Variants in ATP2C1 observed in about 807,000 individuals in gnomAD.
ATP2C1 encodes calcium-transporting ATPase type 2C member 1.
Under a neutral mutation model 120.5 loss-of-function variants are expected in ATP2C1, and 31 were observed. The observed-to-expected ratio is 0.26, with a 90% CI of 0.19 to 0.35. ATP2C1 has a LOEUF of 0.35. Among genes scored for constraint, ATP2C1 ranks in the 10% least tolerant of loss-of-function variants. ATP2C1 has a pLI of 1.00. For synonymous variants in ATP2C1, 351 were observed against 358.7 expected (o/e 0.98, Z 0.24); for missense variants, 731 against 1,107.5 (o/e 0.66, Z 4.83).
At chr3:131,014,676 A>G (rs1487990893) in intron 26 of ATP2C1, among the ~76,000 whole-genome samples, 1 of 152,216 alleles carries the variant, frequency 6.6e-6, no homozygotes, top group African/African-American at 2.4e-5. Context: ...TTTAACAAAC[A>G]CTTTAATTTT....
chr3:130,895,267 A>G (rs2069504911), intron 2 of ATP2C1, among the ~76,000 whole-genome samples: 1 of 152,204 alleles, frequency 6.6e-6, no homozygotes, highest in South Asian at 2.1e-4. Context: ...ATTCACAAAA[A>G]AAACCCAGTG....
intron 20 of ATP2C1, among the ~76,000 whole-genome samples, chr3:130,990,949 A>G (rs1207653244): frequency 1.3e-5 from 2 of 152,240 alleles, no homozygotes; most frequent in Non-Finnish European, 2.9e-5. Context: ...AATGTGAAGT[A>G]GGGATGGGAA....
chr3:130,883,404 C>T (rs911905958), intron 1 of ATP2C1, among the ~76,000 whole-genome samples: 5 of 150,302 alleles, frequency 3.3e-5, no homozygotes, highest in Non-Finnish European at 5.9e-5. Context: ...TGTGCTATTG[C>T]TTTTCTAATT....
chr3:130,890,365 T>A (rs1559885520), upstream of ATP2C1, among the ~76,000 whole-genome samples: 2 of 152,252 alleles, frequency 1.3e-5, no homozygotes, highest in African/African-American at 4.8e-5. Context: ...TCGACACTCA[T>A]GTCTAATCCA....
chr3:130,918,440 G>C, intron 2 of ATP2C1: 1 of 906,366 alleles, frequency 1.1e-6, no homozygotes, highest in Non-Finnish European at 1.9e-6. Context: ...CCCCACATCT[G>C]GAACACTTCT....
At chr3:130,972,577 CTCA>C (rs1185964085) in intron 17 of ATP2C1, among the ~76,000 whole-genome samples, 1 of 148,428 alleles carries the variant, frequency 6.7e-6, no homozygotes, top group Non-Finnish European at 1.5e-5. Flanking sequence ...CACCCATTAA[CTCA>C]TCATTTAGCA....
At chr3:130,869,951 T>TA (rs2068376420) in intron 1 of ATP2C1, among the ~76,000 whole-genome samples, 1 of 152,204 alleles carries the variant, frequency 6.6e-6, no homozygotes, top group African/African-American at 2.4e-5. Context: ...TCAATGTGGA[T>TA]AAAAAGCCAC....
At chr3:130,999,419 AT>A in intron 26 of ATP2C1, 98 bp from the exon 27 acceptor site, 1 of 1,197,652 alleles carries the variant, frequency 8.3e-7, no homozygotes, top group African/African-American at 1.5e-5. Context: ...CAATTCAGTG[AT>A]AAAGTGACAC....
intron 12 of ATP2C1, among the ~76,000 whole-genome samples, chr3:130,962,180 A>T (rs553519581): frequency 1.3e-5 from 2 of 152,178 alleles, no homozygotes; most frequent in South Asian, 4.1e-4. Flanking sequence ...GCTGGTATGA[A>T]TATAAAAGTG....
chr3:130,901,755 A>G (rs2057835141), intron 2 of ATP2C1, among the ~76,000 whole-genome samples: 1 of 152,018 alleles, frequency 6.6e-6, no homozygotes. Flanking sequence ...AGAGACCTCA[A>G]TTTGTCCTTT....
At chr3:130,864,692 G>A (rs1164778457) in intron 1 of ATP2C1, among the ~76,000 whole-genome samples, 1 of 152,250 alleles carries the variant, frequency 6.6e-6, no homozygotes, top group African/African-American at 2.4e-5. Context: ...TACAGCTCAG[G>A]CTATGGCTTC....
At chr3:130,851,349 C>T (rs781367662) in intron 1 of ATP2C1, among the ~76,000 whole-genome samples, 9 of 152,164 alleles carry the variant, frequency 5.9e-5, no homozygotes, top group Non-Finnish European at 7.4e-5. Flanking sequence ...AAACAAAAAA[C>T]ATTTTATAAA....
rs562414617 is a variant in ATP2C1, at chr3:130,869,077, A to G, written c.108+18149A>G. On this transcript the variant is annotated intron_variant, in intron 1 of 26. Transcript: ENST00000504381. Reference sequence around the variant, plus strand: ...TGGGAGACTTTTCATTTTGTTCTGTACTAAGAAAAATTCTTCTGCCTTGGG... The same window carrying G: ...TGGGAGACTTTTCATTTTGTTCTGTGCTAAGAAAAATTCTTCTGCCTTGGG... 17 of 177,042 alleles carry G rather than the reference A, an allele frequency of 9.6e-5. No homozygotes were observed. In the East Asian group the frequency reaches 3.3e-3, roughly 34 times the overall value. 11.0% of individuals were successfully genotyped at this position (177,042 alleles called of 1,614,324 possible).
chr3:131,016,432 G>A (rs867834225), exon 27 of ATP2C1: 99 of 1,386,554 alleles, frequency 7.1e-5, no homozygotes, highest in African/African-American at 5.1e-4. Flanking sequence ...TATAAAGAAA[G>A]AAATTAATTT....
intron 26 of ATP2C1, among the ~76,000 whole-genome samples, chr3:131,009,836 G>A (rs1251801627): frequency 6.6e-6 from 1 of 152,140 alleles, no homozygotes; most frequent in Non-Finnish European, 1.5e-5. Flanking sequence ...TGTGATGACT[G>A]AAATGTGTCA....
At chr3:130,972,678 T>C (rs2061379277) in intron 17 of ATP2C1, among the ~76,000 whole-genome samples, 1 of 137,606 alleles carries the variant, frequency 7.3e-6, no homozygotes, top group Non-Finnish European at 1.5e-5. Flanking sequence ...TGTGTTCTCA[T>C]TGTTCACTTC....
chr3:130,862,064 C>A (rs538563029), intron 1 of ATP2C1, among the ~76,000 whole-genome samples: 1 of 152,094 alleles, frequency 6.6e-6, no homozygotes, highest in African/African-American at 2.4e-5. Context: ...AGCTCCACCT[C>A]CTGGGTTCAT....
intron 18 of ATP2C1, 24 bp from the exon 19 acceptor site, chr3:130,979,225 G>A: frequency 6.2e-7 from 1 of 1,610,050 alleles, no homozygotes; most frequent in East Asian, 2.2e-5. Flanking sequence ...TTTTGTTGTT[G>A]TTTGGATTTT....
In ATP2C1 at chr3:130,967,227, G is replaced by A; in HGVS notation, c.1205G>A (p.Ser402Asn). ...VVHGFYNPAV[S>N]RIVEAGCVCN... is the part of the protein sequence containing the mutation. Reference sequence around the variant, plus strand: ...CATGGATTCTATAACCCAGCTGTTAGCAGAATTGTTGAGGTAAATATTTTT... The same window carrying A: ...CATGGATTCTATAACCCAGCTGTTAACAGAATTGTTGAGGTAAATATTTTT... Residue 402 changes from serine to asparagine, a missense_variant, in exon 15 of 28, where the codon AGC (serine) becomes AAC (asparagine). Ser to Asn is a conservative substitution (Grantham distance 46). Coordinates refer to ENST00000510168, the MANE Select transcript of ATP2C1 (RefSeq NM_001378687.1). The A allele has an allele frequency of 6.2e-7, 1 of 1,613,550 alleles. No individual in the cohort carries two copies. Among genetic ancestry groups the A allele is most frequent in the African/African-American group, 1.3e-5 (1 of 74,982 alleles).
Sources: allele counts gnomAD v4.1 joint callset (sites outside exome capture counted in the v4.1 genomes callset), GRCh38; gene constraint gnomAD v4.1.1; transcripts MANE v1.5; gene names NCBI Gene and HGNC (gene_info 2026-07-23, HGNC 2026-07-21).